The following ARHGEF18 variants were observed in gnomAD, a reference collection of about 807,000 sequenced individuals.
ARHGEF18 encodes Rho/Rac guanine nucleotide exchange factor 18.
A neutral mutation model predicts 155.7 loss-of-function variants in ARHGEF18; 93 were observed. The ratio of observed to expected loss-of-function variants is 0.60; its 90% confidence interval spans 0.50 to 0.71. The LOEUF (loss-of-function observed/expected upper bound fraction) is 0.71, where lower values mean the gene tolerates loss of function less well. Among genes scored for constraint, ARHGEF18 ranks in the 30% least tolerant of loss-of-function variants. The pLI is 0.00. For synonymous variants in ARHGEF18, 742 were observed against 753.1 expected, an observed-to-expected ratio of 0.99 and a Z score of 0.24; for missense variants, 1,593 against 1,816.1, an observed-to-expected ratio of 0.88 and a Z score of 2.23.
intron 10 of ARHGEF18, among the ~76,000 whole-genome samples, chr19:7,421,388 G>T (rs969500282): frequency 1.3e-5 from 2 of 152,066 alleles, no homozygotes; most frequent in Non-Finnish European, 2.9e-5. Flanking sequence ...GATTCAGAGG[G>T]CCGACTTTTC....
chr19:7,355,068 TCACACACACACACA>T (rs60457716), intron 1 of ARHGEF18, among the ~76,000 whole-genome samples: 7,103 of 146,556 alleles, frequency 0.048, 204 homozygotes, highest in Non-Finnish European at 0.069. Context: ...CCAATGGGCT[TCACACACACACACA>T]CACACACACA....
chr19:7,362,122 A>G (rs1352594773), intron 1 of ARHGEF18, among the ~76,000 whole-genome samples: 1 of 26,892 alleles, frequency 3.7e-5, no homozygotes, highest in African/African-American at 3.5e-4. Context: ...GGAGAAGGAG[A>G]AGGAGAAGGA....
rs1232039451 is a variant in ARHGEF18 at position 7,466,814 on chromosome 19, A to AT, written c.2905-104_2905-103insT. The AT allele has an allele frequency of 1.1e-3, 1,155 of 1,083,152 alleles. 18 individuals carry two copies. In the African/African-American group the frequency reaches 0.019, roughly 18 times the overall value. 67.1% of individuals were successfully genotyped at this position (1,083,152 alleles called of 1,614,324 possible). ...AGCAGAATTCCGTCTCAAAAAAAAA[A>AT]AAAAAAAAAAAAGTTAAAAAAAAAG... is the stretch of plus-strand genomic sequence containing the variant. On this transcript the variant is annotated intron_variant, in intron 23 of 28. Coordinates refer to ENST00000668164, the MANE Select transcript of ARHGEF18 (RefSeq NM_001367823.1).
chr19:7,450,574 G>A (rs1000912146), intron 15 of ARHGEF18, among the ~76,000 whole-genome samples: 3 of 404 alleles, frequency 7.4e-3, no homozygotes, highest in African/African-American at 0.04. Flanking sequence ...AGGTGTGAAT[G>A]TCGATCTTGC....
intron 2 of ARHGEF18, among the ~76,000 whole-genome samples, chr19:7,367,319 C>T (rs1011747152): frequency 3.9e-5 from 6 of 152,144 alleles, no homozygotes; most frequent in Admixed American, 2.0e-4. Context: ...AAACCATCTG[C>T]CCTGTGAGGC....
chr19:7,382,750 GC>G (rs1970806429), intron 8 of ARHGEF18, 41 bp from the exon 9 acceptor site: 5 of 1,221,078 alleles, frequency 4.1e-6, no homozygotes, highest in Non-Finnish European at 5.1e-6. Flanking sequence ...CCTCAGAATG[GC>G]CCCTGGCCCC....
At chr19:7,443,921 C>T (rs545036355) in intron 13 of ARHGEF18, among the ~76,000 whole-genome samples, 1 of 149,268 alleles carries the variant, frequency 6.7e-6, no homozygotes, top group East Asian at 2.0e-4. Flanking sequence ...AAAAAAAAAA[C>T]ACGGACTTAA....
chr19:7,406,867 A>G (rs1972339933), intron 10 of ARHGEF18, among the ~76,000 whole-genome samples: 1 of 151,254 alleles, frequency 6.6e-6, no homozygotes, highest in Non-Finnish European at 1.5e-5. Context: ...ATCCTGGCTA[A>G]CACAGTGAAA....
At chr19:7,378,483 C>T in intron 6 of ARHGEF18, 32 bp downstream of exon 6, 4 of 1,233,744 alleles carry the variant, frequency 3.2e-6, no homozygotes, top group Non-Finnish European at 4.0e-6. Flanking sequence ...GGGGAGGGAC[C>T]CCCAGGGAAC....
At position 7,378,684 on chromosome 19, in the gene ARHGEF18, C is replaced by CTTTTTTTTT. The variant is rs548305968; in HGVS notation, c.599+251_599+259dup. ...ATGTAGCCTTGGGAGACAATTGTGG[C>CTTTTTTTTT]TTTTTTTTTTTTTTTTTTTTTTTTT... On this transcript the variant is annotated intron_variant, in intron 6 of 28. Transcript: ENST00000668164. 4.5e-5 allele frequency among the ~76,000 whole-genome samples: 4 copies of CTTTTTTTTT among 88,134 alleles called. 1 individual carries two copies. The highest frequency in any genetic ancestry group is 1.5e-4 in the African/African-American group (3 of 19,468). The allele number at this position is 88,134 out of a possible 152,430, so 57.8% of individuals were successfully genotyped here.
chr19:7,469,106 G>C lies in ARHGEF18; in HGVS notation c.3762G>C (p.Arg1254Ser). Residue 1254 changes from arginine to serine, a missense_variant, in exon 27 of 29, where the codon AGG becomes AGC. By Grantham distance (110) the Arg-to-Ser change is moderately radical. Coordinates refer to ENST00000668164, the MANE Select transcript of ARHGEF18 (RefSeq NM_001367823.1). Reference protein sequence around the residue: ...KGGKDKGGKSRGSQRWESSAS... With the variant: ...KGGKDKGGKSSGSQRWESSAS... ...GCAAGGACAAGGGCGGCAAGAGCAGGGGCTCTCAGCGCTGGGAGAGCTCAG... is the reference window on the plus strand; with the variant it reads ...GCAAGGACAAGGGCGGCAAGAGCAGCGGCTCTCAGCGCTGGGAGAGCTCAG... The C allele has an allele frequency of 6.2e-7, 1 of 1,606,094 alleles. No homozygotes were observed. Among genetic ancestry groups the C allele is most frequent in the Non-Finnish European group, 8.5e-7 (1 of 1,177,570 alleles).
At chr19:7,404,362 G>A (rs1972181573) in intron 10 of ARHGEF18, among the ~76,000 whole-genome samples, 1 of 151,800 alleles carries the variant, frequency 6.6e-6, no homozygotes, top group Non-Finnish European at 1.5e-5. Flanking sequence ...CGACTGATCT[G>A]GATAACAGTT....
At chr19:7,457,985 T>C (rs570027869) in intron 18 of ARHGEF18, among the ~76,000 whole-genome samples, 10 of 152,036 alleles carry the variant, frequency 6.6e-5, no homozygotes, top group African/African-American at 2.2e-4. Context: ...GCTGATGAAA[T>C]TGACACATTA....
intron 10 of ARHGEF18, among the ~76,000 whole-genome samples, chr19:7,401,384 C>G (rs978204942): frequency 2.0e-5 from 3 of 152,128 alleles, no homozygotes; most frequent in African/African-American, 7.2e-5. Flanking sequence ...CTCCTGGGCT[C>G]AAGTGATCCT....
At chr19:7,478,317 G>C in the ARHGEF18 span, 1 of 1,610,992 alleles carries the variant, frequency 6.2e-7, no homozygotes, top group Non-Finnish European at 8.5e-7. Flanking sequence ...CTCCTACCTG[G>C]TGAAGGGCGC....
intron 15 of ARHGEF18, among the ~76,000 whole-genome samples, chr19:7,447,982 G>A (rs35846694): frequency 0.24 from 36,454 of 152,084 alleles, 4,512 homozygotes; most frequent in East Asian, 0.31. Context: ...AGATACATAT[G>A]TATACACACA....
At chr19:7,447,918 C>T (rs1036862953) in intron 15 of ARHGEF18, among the ~76,000 whole-genome samples, 4 of 152,106 alleles carry the variant, frequency 2.6e-5, no homozygotes, top group Non-Finnish European at 5.9e-5. Context: ...CAGTTGAGCT[C>T]AGGAGTTTAA....
intron 10 of ARHGEF18, among the ~76,000 whole-genome samples, chr19:7,429,950 T>G (rs368551398): frequency 1.9e-4 from 29 of 152,148 alleles, no homozygotes; most frequent in African/African-American, 6.3e-4. Flanking sequence ...TTAAATCGAC[T>G]TGTGCCTCAA....
rs1368004784 is a variant in ARHGEF18 at position 7,395,400 on chromosome 19, C to A, written c.967+12197C>A. 6.6e-6 allele frequency among the ~76,000 whole-genome samples: 1 copy of A among 152,138 alleles called. No individual in the cohort carries two copies. Among genetic ancestry groups the A allele is most frequent in the African/African-American group, 2.4e-5 (1 of 41,438 alleles). On this transcript the variant is annotated intron_variant, in intron 10 of 28. Coordinates refer to ENST00000668164, the MANE Select transcript of ARHGEF18 (RefSeq NM_001367823.1). The surrounding 1 kb of genome is among the most constrained non-coding windows in gnomAD (Gnocchi z 5.0). ...ACTTCTCCAGGCAGGCGAACGGGTG[C>A]TGGGGTGCAGGCTGCTCCTTCAATG...
Sources: allele counts gnomAD v4.1 joint callset (sites outside exome capture counted in the v4.1 genomes callset), GRCh38; gene constraint gnomAD v4.1.1; non-coding constraint Gnocchi (gnomAD v3.1); transcripts MANE v1.5; gene names NCBI Gene and HGNC (gene_info 2026-07-23, HGNC 2026-07-21).